The following ENTREP2 variants were observed in gnomAD, a reference collection of about 807,000 sequenced individuals.
The protein encoded by ENTREP2 is protein ENTREP2.
At chr15:29,171,615 T>C in the ENTREP2 span, among the ~76,000 whole-genome samples, 3 of 152,178 alleles carry the variant, frequency 2.0e-5, no homozygotes, top group African/African-American at 7.2e-5. Context: ...GAAAATATTG[T>C]ATTTATATTA....
the ENTREP2 span, among the ~76,000 whole-genome samples, chr15:29,578,139 C>T: frequency 2.6e-5 from 4 of 152,028 alleles, no homozygotes; most frequent in African/African-American, 9.7e-5. Flanking sequence ...CTCAAATCCA[C>T]GAGGATGGCT....
the ENTREP2 span, chr15:29,151,609 G>T: frequency 1.5e-6 from 1 of 688,128 alleles, no homozygotes; most frequent in South Asian, 1.7e-5. Context: ...GGCAACACAA[G>T]GTGGCCTCCA....
chr15:29,527,062 C>A, the ENTREP2 span, among the ~76,000 whole-genome samples: 1 of 152,144 alleles, frequency 6.6e-6, no homozygotes, highest in Admixed American at 6.5e-5. Context: ...CTTGAAACCA[C>A]ACCCTCCTGC....
chr15:29,216,949 C>A, the ENTREP2 span, among the ~76,000 whole-genome samples: 1 of 152,122 alleles, frequency 6.6e-6, no homozygotes, highest in Non-Finnish European at 1.5e-5. Context: ...GATTGACGCT[C>A]CAAAATTCTC....
chr15:29,229,972 A>T, the ENTREP2 span, among the ~76,000 whole-genome samples: 3 of 151,506 alleles, frequency 2.0e-5, no homozygotes, highest in Non-Finnish European at 4.4e-5. Flanking sequence ...TTAAAAAAAA[A>T]ATCTCACATA....
the ENTREP2 span, among the ~76,000 whole-genome samples, chr15:29,448,488 T>C: frequency 6.6e-6 from 1 of 152,234 alleles, no homozygotes; most frequent in Non-Finnish European, 1.5e-5. Context: ...AAGCCCTCAC[T>C]GTACTGTACC....
the ENTREP2 span, among the ~76,000 whole-genome samples, chr15:29,413,014 TTTC>T: frequency 5.3e-5 from 8 of 152,140 alleles, no homozygotes; most frequent in African/African-American, 1.7e-4. Flanking sequence ...TGCATTACAA[TTTC>T]TTCTTTGATT....
At chr15:29,455,268 A>G in the ENTREP2 span, among the ~76,000 whole-genome samples, 1 of 152,162 alleles carries the variant, frequency 6.6e-6, no homozygotes, top group East Asian at 1.9e-4. Context: ...CATACTAACC[A>G]TGTGAGGCCA....
the ENTREP2 span, among the ~76,000 whole-genome samples, chr15:29,127,800 A>G: frequency 1.3e-5 from 2 of 152,252 alleles, no homozygotes; most frequent in African/African-American, 4.8e-5. Flanking sequence ...CTCAGGTAGC[A>G]CCAGCCCCCT....
chr15:29,611,799 T>C, the ENTREP2 span, among the ~76,000 whole-genome samples: 3 of 152,370 alleles, frequency 2.0e-5, no homozygotes, highest in East Asian at 5.8e-4. Flanking sequence ...TGCCCTTCTC[T>C]GGTACAGGAA....
At chr15:29,147,806 T>C in the ENTREP2 span, among the ~76,000 whole-genome samples, 2 of 152,168 alleles carry the variant, frequency 1.3e-5, no homozygotes. Context: ...ATACTCAAGA[T>C]AAATTAAAAC....
At chr15:29,347,367 G>T in the ENTREP2 span, among the ~76,000 whole-genome samples, 1 of 151,544 alleles carries the variant, frequency 6.6e-6, no homozygotes, top group Non-Finnish European at 1.5e-5. Flanking sequence ...ACAAGGTCTC[G>T]CTGTGTTGCC....
chr15:29,506,439 C>G, the ENTREP2 span, among the ~76,000 whole-genome samples: 5 of 151,958 alleles, frequency 3.3e-5, no homozygotes, highest in African/African-American at 1.2e-4. Flanking sequence ...GAAGAGCAAC[C>G]CCAAGACACA....
chr15:29,632,317 G>A, the ENTREP2 span, among the ~76,000 whole-genome samples: 2 of 152,306 alleles, frequency 1.3e-5, no homozygotes, highest in African/African-American at 4.8e-5. Flanking sequence ...AGGAGCAGAG[G>A]GAAGTGAATC....
At chr15:29,219,143 T>C in the ENTREP2 span, among the ~76,000 whole-genome samples, 1 of 150,218 alleles carries the variant, frequency 6.7e-6, no homozygotes, top group African/African-American at 2.4e-5. Flanking sequence ...CATCAAAAAG[T>C]GGGCTAAGGA....
the ENTREP2 span, chr15:29,452,940 A>C: frequency 6.6e-6 from 1 of 152,380 alleles, no homozygotes; most frequent in African/African-American, 2.4e-5. Context: ...ACAAGCAGGC[A>C]GAAATGAGTG....
chr15:29,247,592 C>CACT, the ENTREP2 span, among the ~76,000 whole-genome samples: 1 of 152,150 alleles, frequency 6.6e-6, no homozygotes, highest in African/African-American at 2.4e-5. Flanking sequence ...GACAAATGGG[C>CACT]ACTACTATCT....
At chr15:29,358,416 A>G in the ENTREP2 span, among the ~76,000 whole-genome samples, 1 of 152,246 alleles carries the variant, frequency 6.6e-6, no homozygotes, top group Non-Finnish European at 1.5e-5. Flanking sequence ...CATATGTGTA[A>G]AAGAATGATG....
the ENTREP2 span, among the ~76,000 whole-genome samples, chr15:29,631,095 T>G: frequency 1.3e-5 from 2 of 152,372 alleles, no homozygotes; most frequent in African/African-American, 4.8e-5. Context: ...GTATTTTTAG[T>G]TCTATGATTT....
Sources: gnomAD v4.1 joint callset for allele counts (sites outside exome capture counted in the v4.1 genomes callset) on GRCh38, gnomAD v4.1.1 for gene constraint, MANE v1.5 for transcripts, NCBI Gene and HGNC (gene_info 2026-07-23, HGNC 2026-07-21) for gene names.